Variants in FAM171A1 observed in about 807,000 individuals in gnomAD.
The protein encoded by FAM171A1 is family with sequence similarity 171 member A1.
A neutral mutation model predicts 74.9 loss-of-function variants in FAM171A1; 23 were observed. The observed-to-expected ratio is 0.31, with a 90% CI of 0.22 to 0.44. The LOEUF (loss-of-function observed/expected upper bound fraction) is 0.44, where lower values mean the gene tolerates loss of function less well. Ranked by LOEUF, FAM171A1 falls within the 20% of genes least tolerant of loss-of-function variation. The pLI is 1.00. For missense variants in FAM171A1, 1,162 were observed against 1,159.2 expected (o/e 1.00, Z -0.03); for synonymous variants, 527 against 505.7 (o/e 1.04, Z -0.57).
chr10:15,256,485 G>A (rs564585047), intron 3 of FAM171A1, among the ~76,000 whole-genome samples: 3 of 152,250 alleles, frequency 2.0e-5, no homozygotes, highest in Admixed American at 6.5e-5. Context: ...CCAGGCCCAG[G>A]TTTAGAGCCC....
intron 1 of FAM171A1, among the ~76,000 whole-genome samples, chr10:15,303,486 A>T (rs1835257740): frequency 6.6e-6 from 1 of 152,116 alleles, no homozygotes; most frequent in Non-Finnish European, 1.5e-5. Flanking sequence ...TCATCTTTTA[A>T]TCTTTATAGC....
intron 3 of FAM171A1, among the ~76,000 whole-genome samples, chr10:15,268,574 C>A (rs1179063222): frequency 6.6e-6 from 1 of 151,908 alleles, no homozygotes; most frequent in Non-Finnish European, 1.5e-5. Context: ...GGCCTCCAAG[C>A]AGAGGCGTCA....
At chr10:15,312,671 GTGTTTTTTTTTTTTTTTTTTT>G (rs1389477762) in intron 1 of FAM171A1, among the ~76,000 whole-genome samples, 10 of 51,884 alleles carry the variant, frequency 1.9e-4, no homozygotes, top group South Asian at 1.4e-3. Flanking sequence ...TCAGCACTGT[GTGTTTTTTTTTTTTTTTTTTT>G]TTTTTTTTTT....
intron 1 of FAM171A1, among the ~76,000 whole-genome samples, chr10:15,319,870 C>T (rs1274086403): frequency 6.6e-6 from 1 of 152,164 alleles, no homozygotes; most frequent in East Asian, 1.9e-4. Context: ...AAACTCTCCT[C>T]CATCTGTAAC....
rs772498805 is a variant in FAM171A1 at position 15,213,155 on chromosome 10, A to G, written c.2433T>C (p.Ser811=). 1.4e-5 allele frequency: 23 copies of G among 1,613,954 alleles called. No homozygotes were observed. Among genetic ancestry groups the G allele is most frequent in the Non-Finnish European group, 1.9e-5 (23 of 1,180,012 alleles). ...CGTTVCTPED[S]ALRCLLEGSS... ...ACCCCTCCAACAAGCATCGCAGGGCACTGTCCTCGGGGGTACAGACCGTGG... is the reference window on the plus strand; with the variant it reads ...ACCCCTCCAACAAGCATCGCAGGGCGCTGTCCTCGGGGGTACAGACCGTGG... Residue 811 remains serine (S), a synonymous_variant, in exon 8 of 8, where the codon AGT becomes AGC. Transcript: ENST00000378116. This position sits in a 1 kb window ranked among gnomAD's most constrained non-coding sequence, Gnocchi z 6.8.
chr10:15,365,778 AAAG>A (rs1476895500), intron 1 of FAM171A1, among the ~76,000 whole-genome samples: 2 of 150,942 alleles, frequency 1.3e-5, no homozygotes, highest in South Asian at 4.2e-4. Flanking sequence ...AAAAAAAAAA[AAAG>A]AGAGAGAAAT....
rs1023988994 is a variant in FAM171A1 at position 15,330,158 on chromosome 10, A to G, written c.97+40798T>C. Among the ~76,000 whole-genome samples the G allele has an allele frequency of 3.9e-5, 6 of 152,184 alleles. No homozygotes were observed. The South Asian group carries it at 1.2e-3, about 32-fold the overall frequency. ...GGAGTTCGAGATCAGCCTGGCCTAC[A>G]TAGTGAAACTCCATCTCTACTAAAA... On this transcript the variant is annotated intron_variant, in intron 1 of 7. Transcript: ENST00000378116.
chr10:15,322,404 TC>T (rs1444858692), intron 1 of FAM171A1, among the ~76,000 whole-genome samples: 1 of 152,222 alleles, frequency 6.6e-6, no homozygotes, highest in African/African-American at 2.4e-5. Context: ...TCCTGCTCCA[TC>T]CATGTTACAT....
chr10:15,373,179 A>C (rs757374629), upstream of FAM171A1, among the ~76,000 whole-genome samples: 2 of 152,222 alleles, frequency 1.3e-5, no homozygotes, highest in African/African-American at 4.8e-5. Flanking sequence ...CTTAGGACCA[A>C]TGCTGCAATT....
upstream of FAM171A1, among the ~76,000 whole-genome samples, chr10:15,372,390 T>C (rs147802023): frequency 2.5e-3 from 387 of 152,160 alleles, 2 homozygotes; most frequent in Middle Eastern, 6.8e-3. Flanking sequence ...AAATTGAAAC[T>C]CTTCACAAAA....
chr10:15,298,781 T>A (rs1835191896), intron 1 of FAM171A1, among the ~76,000 whole-genome samples: 1 of 152,190 alleles, frequency 6.6e-6, no homozygotes, highest in South Asian at 2.1e-4. Flanking sequence ...ATGCATTTAC[T>A]GAGCTTCATA....
chr10:15,341,084 G>A (rs1835759339), intron 1 of FAM171A1, among the ~76,000 whole-genome samples: 2 of 152,204 alleles, frequency 1.3e-5, no homozygotes, highest in Non-Finnish European at 2.9e-5. Flanking sequence ...GACGTGCACT[G>A]ACATCAAACA....
chr10:15,245,358 T>G (rs906181470), intron 5 of FAM171A1, among the ~76,000 whole-genome samples: 2 of 152,218 alleles, frequency 1.3e-5, no homozygotes, highest in African/African-American at 4.8e-5. Context: ...TGAGCCATGG[T>G]GCCCGGCCCA....
intron 5 of FAM171A1, among the ~76,000 whole-genome samples, chr10:15,226,949 G>T (rs1834116508): frequency 6.6e-6 from 1 of 152,144 alleles, no homozygotes; most frequent in Non-Finnish European, 1.5e-5. Flanking sequence ...TCTGAAATAA[G>T]ATACACAGGC....
chr10:15,214,012 G>C lies in FAM171A1; in HGVS notation c.1576C>G (p.Pro526Ala), dbSNP rs1833931638. ...CGGTCCAGCAGCTGTTCTTTCTCAG[G>C]TGATGAAGGCGCGGGGTACAGATGT... Reference protein sequence around the residue: ...QEHLYPAPSSPEKEQLLDRRP... With the variant: ...QEHLYPAPSSAEKEQLLDRRP... Residue 526 changes from proline (P) to alanine (A), a missense_variant, in exon 8 of 8, where the codon CCT becomes GCT. Coordinates refer to ENST00000378116, the MANE Select transcript of FAM171A1 (RefSeq NM_001010924.2). 1.2e-6 allele frequency: 2 copies of C among 1,614,056 alleles called. No individual in the cohort carries two copies. Among genetic ancestry groups the C allele is most frequent in the Admixed American group, 1.7e-5 (1 of 60,002 alleles).
chr10:15,372,458 G>A (rs1218248295), upstream of FAM171A1, among the ~76,000 whole-genome samples: 16 of 152,052 alleles, frequency 1.1e-4, no homozygotes, highest in Non-Finnish European at 4.4e-5. Flanking sequence ...ACTTTGGGAG[G>A]CTGAGGTAGG....
intron 5 of FAM171A1, among the ~76,000 whole-genome samples, chr10:15,227,880 C>T (rs946322769): frequency 1.3e-5 from 2 of 152,178 alleles, no homozygotes; most frequent in Non-Finnish European, 2.9e-5. Flanking sequence ...TTACACATAA[C>T]AACTGACAGG....
chr10:15,331,738 T>A (rs1835634007), intron 1 of FAM171A1, among the ~76,000 whole-genome samples: 1 of 149,476 alleles, frequency 6.7e-6, no homozygotes. Context: ...TATATATATG[T>A]GTGTGTGTGT....
At chr10:15,215,937 A>G (rs768557927) in intron 7 of FAM171A1, 59 bp downstream of exon 7, 9 of 1,103,690 alleles carry the variant, frequency 8.2e-6, no homozygotes, top group Non-Finnish European at 1.0e-5. Context: ...GCTTCTAAGT[A>G]TCAATTGCCC....
Sources: gnomAD v4.1 joint callset for allele counts (sites outside exome capture counted in the v4.1 genomes callset) on GRCh38, gnomAD v4.1.1 for gene constraint, Gnocchi (gnomAD v3.1) non-coding constraint, MANE v1.5 for transcripts, NCBI Gene and HGNC (gene_info 2026-07-23, HGNC 2026-07-21) for gene names.